SELENON: variants seen among roughly 807,000 people sequenced by gnomAD.
The protein encoded by SELENON is selenoprotein N, also known as selenoprotein N, 1.
In SELENON, 44 loss-of-function variants were observed where a neutral mutation model predicts 59.5. The observed-to-expected ratio is 0.74, with a 90% CI of 0.58 to 0.95. SELENON has a LOEUF of 0.95. Ranked by LOEUF, SELENON falls within the 40% of genes least tolerant of loss-of-function variation. The pLI is 0.00. For synonymous variants in SELENON, 320 were observed against 305.6 expected (o/e 1.05, Z -0.49); for missense variants, 674 against 721.4 (o/e 0.93, Z 0.75).
Position 25,809,019 on chromosome 1 carries a change from C to A in SELENON, c.748-7C>A, listed in dbSNP as rs760108862. 1 of 1,613,560 alleles carries A rather than the reference C, an allele frequency of 6.2e-7. No homozygotes were observed. The highest frequency in any genetic ancestry group is 1.3e-5 in the African/African-American group (1 of 75,060). On this transcript the variant is annotated splice_polypyrimidine_tract_variant and splice_region_variant and intron_variant, in intron 5 of 12. Coordinates refer to ENST00000361547, the MANE Select transcript of SELENON (RefSeq NM_020451.3). ...GCAAGCCAGTACGTGCCTCCCGCCG[C>A]CCCCAGGTCATCATCCACCGGCTCC... is the stretch of plus-strand genomic sequence containing the variant.
intron 7 of SELENON, among the ~76,000 whole-genome samples, chr1:25,810,052 C>T (rs1557431212): frequency 6.6e-6 from 1 of 152,118 alleles, no homozygotes; most frequent in Non-Finnish European, 1.5e-5. Context: ...GTGCCTGGGA[C>T]CCAGTGCAGC....
chr1:25,806,203 A>C (rs2047905941), intron 4 of SELENON, among the ~76,000 whole-genome samples: 2 of 152,242 alleles, frequency 1.3e-5, no homozygotes, highest in African/African-American at 4.8e-5. Flanking sequence ...CCCAGGGGGC[A>C]TGCAGGACCC....
In SELENON at chr1:25,811,762, C is replaced by T; in HGVS notation, c.1164C>T (p.Ser388=). Reference sequence around the variant, plus strand: ...ATGAGGATGGCAGCATGATCGACAGCCACCTGCCTTCAGGGGAGCCCCTGC... The same window carrying T: ...ATGAGGATGGCAGCATGATCGACAGTCACCTGCCTTCAGGGGAGCCCCTGC... Residue 388 remains serine (S), a synonymous_variant, in exon 9 of 13, where the codon AGC becomes AGT. Coordinates refer to ENST00000361547, the MANE Select transcript of SELENON (RefSeq NM_020451.3). The T allele has an allele frequency of 6.3e-7, 1 of 1,596,342 alleles. No individual in the cohort carries two copies. The highest frequency in any genetic ancestry group is 8.5e-7 in the Non-Finnish European group (1 of 1,171,878).
At chr1:25,809,584 C>T (rs966858997) in intron 6 of SELENON, 99 bp from the exon 6 acceptor site, 9 of 1,558,596 alleles carry the variant, frequency 5.8e-6, no homozygotes, top group African/African-American at 5.4e-5. Context: ...CCTCCACCCC[C>T]ACACTCAGCC....
At chr1:25,810,239 A>G (rs2047946816) in intron 7 of SELENON, among the ~76,000 whole-genome samples, 1 of 152,130 alleles carries the variant, frequency 6.6e-6, no homozygotes, top group Non-Finnish European at 1.5e-5. Context: ...CTCAGCAGAG[A>G]TCAGGGCTCT....
intron 7 of SELENON, 26 bp from the exon 7 acceptor site, chr1:25,811,428 G>C (rs376412954): frequency 6.3e-7 from 1 of 1,593,982 alleles, no homozygotes; most frequent in African/African-American, 1.3e-5. Context: ...TTTGATGATG[G>C]TGTCACTCTG....
chr1:25,809,585 A>G (rs1398021698), intron 6 of SELENON, 98 bp from the exon 6 acceptor site: 1 of 1,562,536 alleles, frequency 6.4e-7, no homozygotes, highest in Non-Finnish European at 8.7e-7. Flanking sequence ...CTCCACCCCC[A>G]CACTCAGCCT....
chr1:25,807,697 GTC>G lies in SELENON; in HGVS notation c.538-879_538-878del, dbSNP rs1274807324. ...GCCTTGAGAACCGCCTGTTAAATCT[GTC>G]TCTGTGGGAGCTCCCTGCCTGCTTT... is the stretch of plus-strand genomic sequence containing the variant. On this transcript the variant is annotated intron_variant, in intron 4 of 12. Coordinates refer to ENST00000361547, the MANE Select transcript of SELENON (RefSeq NM_020451.3). The surrounding 1 kb of genome is among the most constrained non-coding windows in gnomAD (Gnocchi z 4.5). Among the ~76,000 whole-genome samples, 6 of 152,168 alleles carry G rather than the reference GTC, an allele frequency of 3.9e-5. No individual in the cohort carries two copies. The highest frequency in any genetic ancestry group is 8.8e-5 in the Non-Finnish European group (6 of 68,022).
At chr1:25,806,075 A>C (rs183910987) in intron 4 of SELENON, among the ~76,000 whole-genome samples, 135 of 152,322 alleles carry the variant, frequency 8.9e-4, no homozygotes, top group African/African-American at 3.2e-3. Context: ...CTCTGTGCCC[A>C]GCCCACACAG....
intron 3 of SELENON, among the ~76,000 whole-genome samples, chr1:25,802,761 C>T (rs752419474): frequency 1.3e-5 from 2 of 152,184 alleles, no homozygotes; most frequent in Non-Finnish European, 2.9e-5. Context: ...AATTATAAAA[C>T]GCTTCTCTCG....
chr1:25,810,367 C>T (rs1440940243), intron 7 of SELENON, among the ~76,000 whole-genome samples: 2 of 152,246 alleles, frequency 1.3e-5, no homozygotes, highest in Non-Finnish European at 2.9e-5. Flanking sequence ...GCTTGCCTCA[C>T]CTCCTCAGGG....
intron 7 of SELENON, among the ~76,000 whole-genome samples, chr1:25,810,835 G>A (rs2047951949): frequency 6.6e-6 from 1 of 152,210 alleles, no homozygotes. Flanking sequence ...CAGGGTTGTT[G>A]AGGAGGGGGC....
rs2048022850 is a variant in SELENON at position 25,817,649 on chromosome 1, G to GACTT, written c.*1932_*1935dup. On this transcript the variant is annotated 3_prime_UTR_variant, in exon 13 of 13. Coordinates refer to ENST00000361547, the MANE Select transcript of SELENON (RefSeq NM_020451.3). ...AACTTGAGTCTCAGGGAAGTGAAGT[G>GACTT]ACTTGCCCAGGGTCACTCAGGTAGA... is the stretch of plus-strand genomic sequence containing the variant. 6.6e-6 allele frequency: 1 copy of GACTT among 152,220 alleles called. No individual in the cohort carries two copies. The highest frequency in any genetic ancestry group is 1.5e-5 in the Non-Finnish European group (1 of 68,050). 9.4% of individuals were successfully genotyped at this position (152,220 alleles called of 1,614,324 possible). A position where few individuals can be genotyped will look rare whatever the true frequency, so the allele number is the denominator to read the frequency against.
rs750994601 is a variant in SELENON, at chr1:25,808,726, G to C, written c.684G>C (p.Leu228=). 3.1e-6 allele frequency: 5 copies of C among 1,613,994 alleles called. No individual in the cohort carries two copies. Among genetic ancestry groups the C allele is most frequent in the South Asian group, 2.2e-5 (2 of 91,092 alleles). The change falls in exon 5 of 13, where the codon CTG becomes CTC. Residue 228 remains leucine (L), a synonymous_variant. Coordinates refer to ENST00000361547, the MANE Select transcript of SELENON (RefSeq NM_020451.3). ...CCTGGTGGATCATCCCCAGTGAGCT[G>C]AGCATGTTCACTGGCTACCTGTCCA...
In SELENON at chr1:25,809,007, T is replaced by C. The variant is rs761569784; in HGVS notation, c.748-19T>C. The stretch of plus-strand genomic sequence containing the variant: ...CAGCGGGACCCAGCAAGCCAGTACG[T>C]GCCTCCCGCCGCCCCCAGGTCATCA... On this transcript the variant is annotated intron_variant, in intron 5 of 12. Coordinates refer to ENST00000361547, the MANE Select transcript of SELENON (RefSeq NM_020451.3). 1 of 1,613,412 alleles carries C rather than the reference T, an allele frequency of 6.2e-7. No homozygotes were observed. Among genetic ancestry groups the C allele is most frequent in the Admixed American group, 1.7e-5 (1 of 60,028 alleles).
chr1:25,815,625 C>A lies in SELENON; in HGVS notation c.1680C>A (p.Ser560Arg). The change falls in exon 13 of 13, where the codon AGC (serine) becomes AGA (arginine). Residue 560 changes from serine to arginine, a missense_variant. By Grantham distance (110) the Ser-to-Arg change is moderately radical. Coordinates refer to ENST00000361547, the MANE Select transcript of SELENON (RefSeq NM_020451.3). Reference sequence around the variant, plus strand: ...AGGAAATCGAGAGCAATCTCTTCAGCTTCTCATCCACCTTTGAAGACCCGT... The same window carrying A: ...AGGAAATCGAGAGCAATCTCTTCAGATTCTCATCCACCTTTGAAGACCCGT... The A allele has an allele frequency of 1.9e-6, 3 of 1,614,206 alleles. No homozygotes were observed. The highest frequency in any genetic ancestry group is 2.5e-6 in the Non-Finnish European group (3 of 1,180,018).
In SELENON at chr1:25,810,947, C is replaced by T. The variant is rs578254135; in HGVS notation, c.1011-507C>T. Among the ~76,000 whole-genome samples the T allele has an allele frequency of 3.9e-4, 59 of 152,308 alleles. No homozygotes were observed. In the Middle Eastern group the frequency reaches 0.01, roughly 26 times the overall value. On this transcript the variant is annotated intron_variant, in intron 7 of 12. Transcript: ENST00000361547. The stretch of plus-strand genomic sequence containing the variant: ...CCAGGCACCAGGGACTGCTGACCCC[C>T]GGGGGTTACCTAGCTCTGCCCTCTG...
At chr1:25,810,810 C>T (rs899393394) in intron 7 of SELENON, among the ~76,000 whole-genome samples, 4 of 152,196 alleles carry the variant, frequency 2.6e-5, no homozygotes, top group African/African-American at 4.8e-5. Context: ...GGGCTGGGCA[C>T]ACCTGCCTCC....
Position 25,811,480 on chromosome 1 carries a change from T to C in SELENON, c.1037T>C (p.Leu346Pro). The C allele has an allele frequency of 6.2e-7, 1 of 1,614,066 alleles. No individual in the cohort carries two copies. Among genetic ancestry groups the C allele is most frequent in the Non-Finnish European group, 8.5e-7 (1 of 1,180,030 alleles). The change falls in exon 8 of 13, where the codon CTT (leucine) becomes CCT (proline). Residue 346 changes from leucine (L) to proline (P), a missense_variant. Transcript: ENST00000361547. ...TCTCTGAATGTGGACATGGAGTGGC[T>C]TTACGGGGCCAGTGAAAGCAGCAAC...
Sources: gnomAD v4.1 joint callset for allele counts (sites outside exome capture counted in the v4.1 genomes callset) on GRCh38, gnomAD v4.1.1 for gene constraint, Gnocchi (gnomAD v3.1) non-coding constraint, MANE v1.5 for transcripts, NCBI Gene and HGNC (gene_info 2026-07-23, HGNC 2026-07-21) for gene names.